The following TXNRD3 variants were observed in gnomAD, a reference collection of about 807,000 sequenced individuals.
The protein encoded by TXNRD3 is thioredoxin reductase 3, also known as TXNRD3 neighbor gene protein.
TXNRD3 carries 68 observed loss-of-function variants against 78.2 expected under a neutral mutation model. The ratio of observed to expected loss-of-function variants is 0.87; its 90% CI spans 0.72 to 1.06. The LOEUF is 1.06. TXNRD3 is among the 50% of genes least tolerant of loss of function. The pLI is 0.00. For synonymous variants in TXNRD3, 296 were observed against 300.1 expected, an observed-to-expected ratio of 0.99 and a Z score of 0.14; for missense variants, 751 against 809.5, an observed-to-expected ratio of 0.93 and a Z score of 0.88.
chr3:126,635,619 T>G (rs1476276696), intron 6 of TXNRD3, among the ~76,000 whole-genome samples: 1 of 152,148 alleles, frequency 6.6e-6, no homozygotes, highest in Admixed American at 6.5e-5. Context: ...AAAAAAAAAG[T>G]CTCATGGAGA....
intron 12 of TXNRD3, among the ~76,000 whole-genome samples, chr3:126,619,000 T>C (rs1938381513): frequency 6.6e-6 from 1 of 151,638 alleles, no homozygotes; most frequent in African/African-American, 2.4e-5. Context: ...AAAATGCAAA[T>C]TGAAGCCACA....
rs149255403 is a variant in TXNRD3 at position 126,639,477 on chromosome 3, A to T, written c.712+2555T>A. Among the ~76,000 whole-genome samples, 476 of 152,328 alleles carry T rather than the reference A, an allele frequency of 3.1e-3. 4 individuals are homozygous for T. Among genetic ancestry groups the T allele is most frequent in the African/African-American group, 0.011 (449 of 41,566 alleles). ...GCTCTCGCCCAGCTCTCTTTCAGGA[A>T]CAAACCTTCCTCATACAGCAAACTC... On this transcript the variant is annotated intron_variant, in intron 6 of 15. Coordinates refer to ENST00000524230, the MANE Select transcript of TXNRD3 (RefSeq NM_052883.3).
At chr3:126,646,886 T>C (rs903853597) in intron 2 of TXNRD3, among the ~76,000 whole-genome samples, 3 of 152,194 alleles carry the variant, frequency 2.0e-5, no homozygotes, top group African/African-American at 7.2e-5. Flanking sequence ...CTCTCCCTGG[T>C]GGATGACACA....
At chr3:126,624,213 C>A (rs1938523696) in intron 10 of TXNRD3, among the ~76,000 whole-genome samples, 1 of 152,114 alleles carries the variant, frequency 6.6e-6, no homozygotes, top group African/African-American at 2.4e-5. Context: ...CAGCCACAAT[C>A]CCAGCAGACT....
chr3:126,617,048 T>C (rs933766073), intron 12 of TXNRD3, among the ~76,000 whole-genome samples: 5 of 152,176 alleles, frequency 3.3e-5, no homozygotes, highest in South Asian at 2.1e-4. Context: ...ATAGCTTACA[T>C]GGGAGGCCTC....
At chr3:126,620,820 T>C (rs1033758318) in intron 12 of TXNRD3, among the ~76,000 whole-genome samples, 1 of 152,114 alleles carries the variant, frequency 6.6e-6, no homozygotes, top group African/African-American at 2.4e-5. Context: ...CCAACTACTC[T>C]GCCTACACAC....
chr3:126,642,041 TATA>T lies in TXNRD3; in HGVS notation c.700_702del (p.Tyr234del), dbSNP rs1559778607. ...ATGAACCATTACTCACCTTGTTGAT[TATA>T]TTCCCAGCCAAATTTCCTTGAGTCA... On this transcript the variant is annotated inframe_deletion, in exon 6 of 16. Coordinates refer to ENST00000524230, the MANE Select transcript of TXNRD3 (RefSeq NM_052883.3). 1 of 1,535,148 alleles carries T rather than the reference TATA, an allele frequency of 6.5e-7. No homozygotes were observed. The highest frequency in any genetic ancestry group is 1.2e-5 in the South Asian group (1 of 83,788).
chr3:126,650,653 A>G (rs1933367180), intron 1 of TXNRD3, among the ~76,000 whole-genome samples: 1 of 152,020 alleles, frequency 6.6e-6, no homozygotes, highest in Non-Finnish European at 1.5e-5. Flanking sequence ...AAAAAAAAAA[A>G]AGACCTCCCT....
intron 12 of TXNRD3, among the ~76,000 whole-genome samples, chr3:126,618,035 A>T (rs750964069): frequency 3.3e-5 from 5 of 152,216 alleles, no homozygotes. Flanking sequence ...CCACTCTACA[A>T]TGAAAACTGC....
chr3:126,649,396 A>G (rs1933319521), intron 1 of TXNRD3, among the ~76,000 whole-genome samples: 1 of 152,244 alleles, frequency 6.6e-6, no homozygotes, highest in Non-Finnish European at 1.5e-5. Flanking sequence ...CTTTAGTGGG[A>G]ATGTAAAATA....
intron 6 of TXNRD3, among the ~76,000 whole-genome samples, chr3:126,640,879 A>C (rs1283984430): frequency 6.6e-6 from 1 of 152,166 alleles, no homozygotes; most frequent in East Asian, 1.9e-4. Context: ...AAAAAAAAAA[A>C]AAACTCTCCG....
intron 1 of TXNRD3, 40 bp downstream of exon 1, chr3:126,654,708 C>A (rs1371684525): frequency 4.9e-6 from 6 of 1,233,436 alleles, no homozygotes; most frequent in African/African-American, 3.2e-5. Context: ...GCGTGGCGGG[C>A]CCGGTCGCGC....
At position 126,646,214 on chromosome 3, in the gene TXNRD3, C is replaced by A; in HGVS notation, c.311G>T (p.Gly104Val). The A allele has an allele frequency of 6.6e-7, 1 of 1,513,060 alleles. No homozygotes were observed. Among genetic ancestry groups the A allele is most frequent in the Non-Finnish European group, 8.8e-7 (1 of 1,141,036 alleles). 93.7% of individuals were successfully genotyped at this position (1,513,060 alleles called of 1,614,324 possible). A position where few individuals can be genotyped will look rare whatever the true frequency, so the allele number is the denominator to read the frequency against. Residue 104 changes from glycine (G) to valine (V), a missense_variant, in exon 3 of 16, where the codon GGG becomes GTG. By Grantham distance (109) the Gly-to-Val change is moderately radical (BLOSUM62 -3). Transcript: ENST00000524230. Reference sequence around the variant, plus strand: ...TGACAGCACTTCTTGAACCCTGGCCCCATCATCTAAAGAAGAAAAAAACTA... The same window carrying A: ...TGACAGCACTTCTTGAACCCTGGCCACATCATCTAAAGAAGAAAAAAACTA...
intron 2 of TXNRD3, among the ~76,000 whole-genome samples, 170 bp downstream of exon 2, chr3:126,647,066 C>A (rs1056437485): frequency 6.6e-6 from 1 of 152,192 alleles, no homozygotes; most frequent in Non-Finnish European, 1.5e-5. Flanking sequence ...AAAAACTACA[C>A]CAATTTATCT....
At chr3:126,650,293 C>A (rs928895586) in intron 1 of TXNRD3, among the ~76,000 whole-genome samples, 1 of 152,210 alleles carries the variant, frequency 6.6e-6, no homozygotes, top group Non-Finnish European at 1.5e-5. Flanking sequence ...TGCTCACAAG[C>A]GTGAGATGAC....
chr3:126,628,665 AAAG>A (rs1938636141), intron 10 of TXNRD3, among the ~76,000 whole-genome samples: 1 of 152,116 alleles, frequency 6.6e-6, no homozygotes, highest in African/African-American at 2.4e-5. Flanking sequence ...GGGAATCATT[AAAG>A]AAGATCTAAA....
At chr3:126,649,500 C>T (rs193172428) in intron 1 of TXNRD3, among the ~76,000 whole-genome samples, 1 of 152,194 alleles carries the variant, frequency 6.6e-6, no homozygotes, top group African/African-American at 2.4e-5. Context: ...AGGTATGTAC[C>T]AAAAGGAACT....
intron 10 of TXNRD3, chr3:126,626,057 CT>C (rs1210768714): frequency 1.3e-5 from 2 of 152,314 alleles, no homozygotes; most frequent in African/African-American, 2.4e-5. Flanking sequence ...ATTCAGTTTT[CT>C]TTTCAAAAGT....
intron 13 of TXNRD3, among the ~76,000 whole-genome samples, chr3:126,614,829 C>T (rs1238176925): frequency 6.6e-6 from 1 of 152,126 alleles, no homozygotes; most frequent in Non-Finnish European, 1.5e-5. Flanking sequence ...CCTCCCTCTC[C>T]CTCCTAGTTG....
Sources: gnomAD v4.1 joint callset for allele counts (sites outside exome capture counted in the v4.1 genomes callset) on GRCh38, gnomAD v4.1.1 for gene constraint, MANE v1.5 for transcripts, NCBI Gene and HGNC (gene_info 2026-07-23, HGNC 2026-07-21) for gene names.